The following TMTC1 variants were observed in gnomAD, a reference collection of about 807,000 sequenced individuals.
TMTC1 encodes protein O-mannosyl-transferase TMTC1.
In TMTC1, 73 loss-of-function variants were observed where a neutral mutation model predicts 104.8. The observed-to-expected ratio is 0.70, with a 90% CI of 0.58 to 0.85. TMTC1 has a LOEUF of 0.85. Ranked by LOEUF, TMTC1 falls within the 40% of genes least tolerant of loss-of-function variation. The pLI is 0.00. For synonymous variants in TMTC1, 434 were observed against 428.7 expected (o/e 1.01, Z -0.15); for missense variants, 1,035 against 1,096.1 (o/e 0.94, Z 0.79).
chr12:29,659,835 A>C, intron 5 of TMTC1: 3 of 1,421,696 alleles, frequency 2.1e-6, no homozygotes, highest in Non-Finnish European at 2.8e-6. Context: ...ATTACTCAAA[A>C]TTATCTAATA....
chr12:29,635,803 G>A (rs1270030073), intron 5 of TMTC1, among the ~76,000 whole-genome samples: 2 of 152,172 alleles, frequency 1.3e-5, no homozygotes, highest in Non-Finnish European at 2.9e-5. Context: ...TCCAGACTGT[G>A]GGAAACAAAG....
chr12:29,521,568 T>TTC lies in TMTC1; in HGVS notation c.1786-849_1786-848insGA, dbSNP rs761861490. Reference sequence around the variant, plus strand: ...TACATTTTTCTTTTTCTTTCTTTCTTTTTTTTTTTTTTTTTGAGACAGAGA... The same window carrying TTC: ...TACATTTTTCTTTTTCTTTCTTTCTTTCTTTTTTTTTTTTTTTGAGACAGAGA... On this transcript the variant is annotated intron_variant, in intron 11 of 17. Coordinates refer to ENST00000539277, the MANE Select transcript of TMTC1 (RefSeq NM_001193451.2). 3.1e-4 allele frequency among the ~76,000 whole-genome samples: 45 copies of TTC among 145,094 alleles called. No individual in the cohort carries two copies. The East Asian group carries it at 3.2e-3, about 10-fold the overall frequency.
chr12:29,504,963 TA>T lies in TMTC1; in HGVS notation c.*1882del, dbSNP rs1406109349. On this transcript the variant is annotated 3_prime_UTR_variant, in exon 18 of 18. Transcript: ENST00000539277. ...TAGGACTATGATTTTGGGGGAAGAA[TA>T]GTTCTTAATTAAGGTTGTGGATACA... is the stretch of plus-strand genomic sequence containing the variant. 1 of 152,146 alleles carries T rather than the reference TA, an allele frequency of 6.6e-6. No homozygotes were observed. Among genetic ancestry groups the T allele is most frequent in the African/African-American group, 2.4e-5 (1 of 41,442 alleles). 9.4% of individuals were successfully genotyped at this position (152,146 alleles called of 1,614,324 possible).
chr12:29,572,055 C>A, intron 9 of TMTC1, 50 bp downstream of exon 9: 1 of 1,450,396 alleles, frequency 6.9e-7, no homozygotes, highest in Non-Finnish European at 9.7e-7. Flanking sequence ...GTGAAATAAA[C>A]AACGGTCTTT....
At chr12:29,707,212 T>C (rs1280038948) in intron 5 of TMTC1, among the ~76,000 whole-genome samples, 1 of 152,190 alleles carries the variant, frequency 6.6e-6, no homozygotes, top group Non-Finnish European at 1.5e-5. Context: ...CTCAAGCCCC[T>C]TCCTTGGATC....
chr12:29,604,432 G>T (rs1013473978), intron 6 of TMTC1, 133 bp from the exon 7 acceptor site: 18 of 1,238,612 alleles, frequency 1.5e-5, no homozygotes, highest in Non-Finnish European at 2.0e-5. Context: ...CCTTTTGACC[G>T]GCGTGCTGAA....
intron 1 of TMTC1, among the ~76,000 whole-genome samples, chr12:29,777,911 G>A (rs1404223951): frequency 6.6e-6 from 1 of 152,128 alleles, no homozygotes; most frequent in Non-Finnish European, 1.5e-5. Context: ...TGAATGAAAA[G>A]GAATAGAAAC....
chr12:29,604,391 T>C, intron 6 of TMTC1, 92 bp from the exon 7 acceptor site: 1 of 1,535,774 alleles, frequency 6.5e-7, no homozygotes, highest in Non-Finnish European at 8.9e-7. Flanking sequence ...AGGTTCTCAA[T>C]GAAGAAATGA....
At chr12:29,727,623 G>A (rs1239633833) in intron 5 of TMTC1, among the ~76,000 whole-genome samples, 8 of 151,978 alleles carry the variant, frequency 5.3e-5, no homozygotes, top group South Asian at 2.1e-4. Context: ...TGATCTGCCC[G>A]CCTCAGCCTC....
At chr12:29,630,470 T>A (rs570251297) in intron 6 of TMTC1, among the ~76,000 whole-genome samples, 1 of 152,138 alleles carries the variant, frequency 6.6e-6, no homozygotes, top group Non-Finnish European at 1.5e-5. Context: ...GGGTCCCTCC[T>A]ATGACATGTG....
chr12:29,613,833 A>G, intron 6 of TMTC1: 8 of 523,570 alleles, frequency 1.5e-5, no homozygotes, highest in Non-Finnish European at 2.0e-5. Context: ...AAAGTCTTCC[A>G]AAGCAGGATG....
intron 2 of TMTC1, among the ~76,000 whole-genome samples, chr12:29,759,216 C>T (rs1179621453): frequency 1.3e-5 from 2 of 152,100 alleles, no homozygotes; most frequent in Non-Finnish European, 2.9e-5. Flanking sequence ...AAGAATGGGG[C>T]CGGGCAGGAT....
At chr12:29,656,072 G>T (rs1229594015) in intron 5 of TMTC1, among the ~76,000 whole-genome samples, 1 of 152,020 alleles carries the variant, frequency 6.6e-6, no homozygotes, top group East Asian at 1.9e-4. Context: ...CAGCCAAGTC[G>T]CAGCTAAACT....
intron 5 of TMTC1, among the ~76,000 whole-genome samples, chr12:29,699,550 A>G (rs776781890): frequency 5.3e-5 from 8 of 152,176 alleles, no homozygotes; most frequent in Non-Finnish European, 1.2e-4. Context: ...CCTATTGCAC[A>G]TAAGATATAG....
chr12:29,606,019 A>G (rs1265080540), intron 6 of TMTC1, among the ~76,000 whole-genome samples: 4 of 152,180 alleles, frequency 2.6e-5, no homozygotes, highest in Non-Finnish European at 5.9e-5. Flanking sequence ...AACAGCCTCC[A>G]TGTTGCAGCA....
chr12:29,607,725 C>T (rs930616175), intron 6 of TMTC1, among the ~76,000 whole-genome samples: 8 of 152,158 alleles, frequency 5.3e-5, no homozygotes, highest in Non-Finnish European at 1.2e-4. Context: ...GCCACCGATA[C>T]ACCATTGGTA....
intron 10 of TMTC1, among the ~76,000 whole-genome samples, chr12:29,547,705 G>A (rs1944977799): frequency 1.3e-5 from 2 of 152,270 alleles, no homozygotes; most frequent in Admixed American, 6.5e-5. Flanking sequence ...ATATGGGAGA[G>A]GAGTGAAGAA....
chr12:29,738,316 T>C (rs550055173), intron 5 of TMTC1, among the ~76,000 whole-genome samples: 10 of 152,278 alleles, frequency 6.6e-5, no homozygotes, highest in African/African-American at 2.4e-4. Flanking sequence ...TCTAAAATCA[T>C]TTTTTGGGAA....
At chr12:29,764,472 C>T (rs1481438487) in intron 2 of TMTC1, among the ~76,000 whole-genome samples, 1 of 152,150 alleles carries the variant, frequency 6.6e-6, no homozygotes, top group Non-Finnish European at 1.5e-5. Flanking sequence ...CATGCCATTG[C>T]ATCCCAGTCT....
Sources: gnomAD v4.1 joint callset for allele counts (sites outside exome capture counted in the v4.1 genomes callset) on GRCh38, gnomAD v4.1.1 for gene constraint, MANE v1.5 for transcripts, NCBI Gene and HGNC (gene_info 2026-07-23, HGNC 2026-07-21) for gene names.